EIF2AK2: variants seen among roughly 807,000 people sequenced by gnomAD.
EIF2AK2 encodes the protein eukaryotic translation initiation factor 2 alpha kinase 2.
EIF2AK2 carries 40 observed loss-of-function variants against 70.5 expected under a neutral mutation model. The ratio of observed to expected loss-of-function variants is 0.57; its 90% CI spans 0.44 to 0.74. The LOEUF is 0.74. Ranked by LOEUF, EIF2AK2 falls within the 30% of genes least tolerant of loss-of-function variation. EIF2AK2 has a pLI of 0.00. For synonymous variants in EIF2AK2, 198 were observed against 220.9 expected, an observed-to-expected ratio of 0.90 and a Z score of 0.92; for missense variants, 555 against 644.3, an observed-to-expected ratio of 0.86 and a Z score of 1.50.
chr2:37,124,313 G>C (rs1010319867), intron 11 of EIF2AK2, among the ~76,000 whole-genome samples: 3 of 151,800 alleles, frequency 2.0e-5, no homozygotes, highest in African/African-American at 7.3e-5. Flanking sequence ...CCAGGCTGGA[G>C]TGCAATGGCG....
At chr2:37,118,329 T>C (rs374438933) in intron 13 of EIF2AK2, among the ~76,000 whole-genome samples, 1 of 151,946 alleles carries the variant, frequency 6.6e-6, no homozygotes. Context: ...AAAATAAAAA[T>C]TAAAAATTTA....
At chr2:37,121,089 C>A (rs1229104209) in intron 12 of EIF2AK2, among the ~76,000 whole-genome samples, 1 of 148,658 alleles carries the variant, frequency 6.7e-6, no homozygotes, top group Admixed American at 6.8e-5. Flanking sequence ...CGGTGAAATC[C>A]CGTCTCTACT....
chr2:37,117,417 G>C (rs1423831370), intron 13 of EIF2AK2, among the ~76,000 whole-genome samples: 1 of 151,186 alleles, frequency 6.6e-6, no homozygotes, highest in Non-Finnish European at 1.5e-5. Flanking sequence ...TGCACCTGTA[G>C]TCCCAGCTAT....
At chr2:37,149,251 G>T (rs746658130) in intron 1 of EIF2AK2, 549 of 1,101,604 alleles carry the variant, frequency 5.0e-4, no homozygotes, top group Non-Finnish European at 6.9e-4. Context: ...CACAAAGTAT[G>T]AGCAAACTGA....
At chr2:37,150,336 C>T (rs929909599) in intron 1 of EIF2AK2, among the ~76,000 whole-genome samples, 5 of 152,104 alleles carry the variant, frequency 3.3e-5, no homozygotes, top group African/African-American at 1.2e-4. Flanking sequence ...AAGGCAATCC[C>T]TATTCAAACT....
chr2:37,142,117 G>C (rs941421927), intron 4 of EIF2AK2, among the ~76,000 whole-genome samples: 1 of 132,124 alleles, frequency 7.6e-6, no homozygotes, highest in Non-Finnish European at 1.8e-5. Context: ...CAAAAATCTT[G>C]TCCAAAGTTT....
At position 37,147,840 on chromosome 2, in the gene EIF2AK2, T is replaced by C. The variant is rs1675609741; in HGVS notation, c.-16-18A>G. On this transcript the variant is annotated intron_variant, in intron 2 of 16. Transcript: ENST00000233057. The stretch of plus-strand genomic sequence containing the variant: ...CCCGTATCCTACAATGGAAGAGACA[T>C]TTGAATGAGTGATGCTCACAGAACA... 1 of 1,489,262 alleles carries C rather than the reference T, an allele frequency of 6.7e-7. No homozygotes were observed. Among genetic ancestry groups the C allele is most frequent in the Non-Finnish European group, 9.4e-7 (1 of 1,068,916 alleles). 92.3% of individuals were successfully genotyped at this position (1,489,262 alleles called of 1,614,324 possible).
At position 37,122,684 on chromosome 2, in the gene EIF2AK2, A is replaced by T; in HGVS notation, c.909-20T>A. ...GCCTTCCTAGTTAAAAGGAACAGGG[A>T]ACATGGCAGTGTCAGTGTACATCCC... On this transcript the variant is annotated intron_variant, in intron 11 of 16. Transcript: ENST00000233057. The T allele has an allele frequency of 6.2e-7, 1 of 1,614,058 alleles. No individual in the cohort carries two copies. Among genetic ancestry groups the T allele is most frequent in the Non-Finnish European group, 8.5e-7 (1 of 1,180,014 alleles).
At chr2:37,127,076 C>T (rs1485629971) in intron 10 of EIF2AK2, among the ~76,000 whole-genome samples, 1 of 145,044 alleles carries the variant, frequency 6.9e-6, no homozygotes, top group Admixed American at 6.9e-5. Flanking sequence ...CTACTATCAT[C>T]AAGCTTTTAT....
chr2:37,142,488 T>A (rs538547394), intron 4 of EIF2AK2, among the ~76,000 whole-genome samples: 43 of 149,824 alleles, frequency 2.9e-4, no homozygotes, highest in African/African-American at 1.1e-3. Context: ...TTTATTGATC[T>A]TTTTTTTTTA....
Position 37,109,540 on chromosome 2 carries a change from T to G in EIF2AK2, c.1378-245A>C, listed in dbSNP as rs548406242. 474 of 397,366 alleles carry G rather than the reference T, an allele frequency of 1.2e-3. 8 individuals are homozygous for G. The South Asian group carries it at 0.016, about 13-fold the overall frequency. 24.6% of individuals were successfully genotyped at this position (397,366 alleles called of 1,614,324 possible). ...TTATAAAACAAGGATAACAACAGTATCAACCACAGAGTTTGATTGTGAGAG... is the reference window on the plus strand; with the variant it reads ...TTATAAAACAAGGATAACAACAGTAGCAACCACAGAGTTTGATTGTGAGAG... On this transcript the variant is annotated intron_variant, in intron 14 of 16. Transcript: ENST00000233057.
chr2:37,136,109 T>C (rs1675118092), intron 9 of EIF2AK2, among the ~76,000 whole-genome samples: 1 of 152,178 alleles, frequency 6.6e-6, no homozygotes, highest in African/African-American at 2.4e-5. Context: ...TACACCCTCA[T>C]CCTAGCTGTT....
Position 37,099,774 on chromosome 2 carries a change from A to C in EIF2AK2, c.*7499T>G, listed in dbSNP as rs1673780923. 1 of 152,258 alleles carries C rather than the reference A, an allele frequency of 6.6e-6. No homozygotes were observed. The highest frequency in any genetic ancestry group is 1.5e-5 in the Non-Finnish European group (1 of 68,042). 9.4% of individuals were successfully genotyped at this position (152,258 alleles called of 1,614,324 possible). ...CAACCCAAATGTCCATCAGCTGATG[A>C]ATGGATACATAAAATGCGACATATC... On this transcript the variant is annotated 3_prime_UTR_variant, in exon 17 of 17. Transcript: ENST00000233057.
intron 14 of EIF2AK2, among the ~76,000 whole-genome samples, chr2:37,114,449 T>A (rs1482194966): frequency 1.3e-5 from 2 of 152,162 alleles, no homozygotes; most frequent in Admixed American, 6.5e-5. Flanking sequence ...TGCTATATAG[T>A]CACAAAATAA....
chr2:37,149,107 A>G, intron 1 of EIF2AK2, 84 bp from the exon 2 acceptor site: 5 of 896,104 alleles, frequency 5.6e-6, no homozygotes, highest in Non-Finnish European at 9.5e-6. Flanking sequence ...ACTAAGGTCT[A>G]TGATAGCCAG....
chr2:37,134,013 T>C (rs1022425040), intron 10 of EIF2AK2, among the ~76,000 whole-genome samples: 25 of 152,214 alleles, frequency 1.6e-4, no homozygotes, highest in South Asian at 2.1e-4. Context: ...CCCCTCTTGC[T>C]GCAAGCTAAC....
chr2:37,107,546 G>C lies in EIF2AK2; in HGVS notation c.1480-19C>G. 6.2e-7 allele frequency: 1 copy of C among 1,603,924 alleles called. No homozygotes were observed. The highest frequency in any genetic ancestry group is 8.5e-7 in the Non-Finnish European group (1 of 1,176,590). ...TGAAAAACTGGAAAAAAAAATGATA[G>C]GTGTATATTAGGAAATTATTTACTT... On this transcript the variant is annotated intron_variant, in intron 15 of 16. Transcript: ENST00000233057.
At chr2:37,107,836 C>T (rs1451104785) in intron 15 of EIF2AK2, among the ~76,000 whole-genome samples, 1 of 152,058 alleles carries the variant, frequency 6.6e-6, no homozygotes, top group Non-Finnish European at 1.5e-5. Flanking sequence ...GGAAAGTTCC[C>T]TTTCCTGAGC....
At chr2:37,121,483 G>C (rs1674548288) in intron 12 of EIF2AK2, among the ~76,000 whole-genome samples, 1 of 152,018 alleles carries the variant, frequency 6.6e-6, no homozygotes, top group East Asian at 1.9e-4. Context: ...AAATCAGTTA[G>C]ACACTATATC....
Sources: allele counts gnomAD v4.1 joint callset (sites outside exome capture counted in the v4.1 genomes callset), GRCh38; gene constraint gnomAD v4.1.1; transcripts MANE v1.5; gene names NCBI Gene and HGNC (gene_info 2026-07-23, HGNC 2026-07-21).